The following PPFIBP1 variants were observed in gnomAD, a reference collection of about 807,000 sequenced individuals.
The protein encoded by PPFIBP1 is PPFIB scaffold protein 1.
PPFIBP1 carries 112 observed loss-of-function variants against 137.8 expected under a neutral mutation model. The observed-to-expected ratio is 0.81, with a 90% CI of 0.70 to 0.95. PPFIBP1 has a LOEUF of 0.95. Among genes scored for constraint, PPFIBP1 ranks in the 40% least tolerant of loss-of-function variants. The pLI is 0.00. For synonymous variants in PPFIBP1, 378 were observed against 417.3 expected (o/e 0.91, Z 1.15); for missense variants, 1,083 against 1,196.6 (o/e 0.91, Z 1.40).
chr12:27,534,611 T>C (rs749189066), intron 1 of PPFIBP1, among the ~76,000 whole-genome samples: 5 of 151,372 alleles, frequency 3.3e-5, no homozygotes, highest in African/African-American at 4.8e-5. Flanking sequence ...TGACTGTCTT[T>C]GAAGGAGGAA....
rs2061681767 is a variant in PPFIBP1, at chr12:27,694,205, G to A, written c.*1323G>A. The A allele has an allele frequency of 6.9e-6, 1 of 145,488 alleles. No homozygotes were observed. The highest frequency in any genetic ancestry group is 2.5e-5 in the African/African-American group (1 of 40,190). 9.0% of individuals were successfully genotyped at this position (145,488 alleles called of 1,614,324 possible). ...TCAAAAAGTTTTTTTGTAGAAACAG[G>A]GTCTCACCATGTTGTCCAGCCTGGT... On this transcript the variant is annotated 3_prime_UTR_variant, in exon 30 of 30. Transcript: ENST00000228425.
At chr12:27,607,802 G>C (rs925897880) in intron 2 of PPFIBP1, among the ~76,000 whole-genome samples, 1 of 152,116 alleles carries the variant, frequency 6.6e-6, no homozygotes, top group Non-Finnish European at 1.5e-5. Flanking sequence ...GTTCCTCCCC[G>C]CTTTTTTTTC....
chr12:27,583,623 A>C (rs905601630), intron 2 of PPFIBP1, among the ~76,000 whole-genome samples: 1 of 152,210 alleles, frequency 6.6e-6, no homozygotes, highest in Non-Finnish European at 1.5e-5. Flanking sequence ...CCAAGTATCA[A>C]GCAGGAAATA....
intron 1 of PPFIBP1, among the ~76,000 whole-genome samples, chr12:27,534,641 G>C (rs1944793956): frequency 6.6e-6 from 1 of 152,170 alleles, no homozygotes; most frequent in Admixed American, 6.5e-5. Flanking sequence ...AACCAGACTT[G>C]ATGGTTCACA....
chr12:27,577,071 G>A lies in PPFIBP1; in HGVS notation c.-123-1081G>A, dbSNP rs192431228. ...TATGAAGCCAGTGGTAGGAGAAAGA[G>A]GAATGGACAGATACTTACCTGATGT... On this transcript the variant is annotated intron_variant, in intron 1 of 29. Transcript: ENST00000228425. Among the ~76,000 whole-genome samples, 381 of 152,166 alleles carry A rather than the reference G, an allele frequency of 2.5e-3. 1 individual carries two copies. The highest frequency in any genetic ancestry group is 8.4e-3 in the African/African-American group (348 of 41,456).
At chr12:27,631,668 T>A (rs1005551543) in intron 2 of PPFIBP1, among the ~76,000 whole-genome samples, 1 of 152,202 alleles carries the variant, frequency 6.6e-6, no homozygotes, top group African/African-American at 2.4e-5. Context: ...CTAGATTGTC[T>A]CATACCTTCA....
At chr12:27,688,817 A>G (rs1216073648) in intron 26 of PPFIBP1, among the ~76,000 whole-genome samples, 198 bp from the exon 27 acceptor site, 1 of 152,208 alleles carries the variant, frequency 6.6e-6, no homozygotes, top group East Asian at 1.9e-4. Flanking sequence ...GACCAGCTCT[A>G]TCACTCACTA....
chr12:27,581,538 G>A (rs1414661038), intron 2 of PPFIBP1, among the ~76,000 whole-genome samples: 1 of 152,190 alleles, frequency 6.6e-6, no homozygotes, highest in Non-Finnish European at 1.5e-5. Flanking sequence ...CTGAGATAAT[G>A]TCATCCCCAA....
At chr12:27,635,531 T>A (rs1344067581) in intron 4 of PPFIBP1, 1 of 234,344 alleles carries the variant, frequency 4.3e-6, no homozygotes, top group East Asian at 9.3e-5. Context: ...GCAACAGGAT[T>A]TACAGCAGTA....
At chr12:27,681,974 G>A (rs1031896437) in intron 22 of PPFIBP1, among the ~76,000 whole-genome samples, 1 of 144,214 alleles carries the variant, frequency 6.9e-6, no homozygotes, top group Non-Finnish European at 1.5e-5. Flanking sequence ...ATCATTGTTT[G>A]GCTTTATCAT....
At chr12:27,581,259 T>G (rs10842940) in intron 2 of PPFIBP1, among the ~76,000 whole-genome samples, 1 of 151,986 alleles carries the variant, frequency 6.6e-6, no homozygotes, top group Non-Finnish European at 1.5e-5. Context: ...CCTAAGAGTG[T>G]AAGCAACACC....
At chr12:27,646,408 C>A in intron 5 of PPFIBP1, 3 of 350,138 alleles carry the variant, frequency 8.6e-6, no homozygotes, top group South Asian at 2.2e-5. Flanking sequence ...CTGATCTGTT[C>A]TTTTTTTTTT....
chr12:27,635,151 C>CT (rs1168344102), intron 4 of PPFIBP1, 36 bp downstream of exon 4: 1 of 1,605,094 alleles, frequency 6.2e-7, no homozygotes, highest in Admixed American at 1.7e-5. Flanking sequence ...GTTATAAATC[C>CT]TTTGTTGCTT....
chr12:27,670,781 A>AT (rs1451059171), intron 13 of PPFIBP1, among the ~76,000 whole-genome samples: 23 of 142,728 alleles, frequency 1.6e-4, no homozygotes, highest in South Asian at 8.6e-4. Flanking sequence ...CCTGTCTCAA[A>AT]AAAAAAAAAA....
chr12:27,536,593 A>C (rs1945039379), intron 1 of PPFIBP1, among the ~76,000 whole-genome samples: 1 of 152,060 alleles, frequency 6.6e-6, no homozygotes, highest in African/African-American at 2.4e-5. Flanking sequence ...ATCCGCCCCC[A>C]CGATCCAGTC....
At chr12:27,600,785 C>T (rs1338293693) in intron 2 of PPFIBP1, among the ~76,000 whole-genome samples, 10 of 152,038 alleles carry the variant, frequency 6.6e-5, no homozygotes, top group African/African-American at 1.4e-4. Context: ...GTACTTAATA[C>T]TACTGAACTG....
chr12:27,548,215 T>C (rs1349625852), intron 1 of PPFIBP1: 4 of 152,208 alleles, frequency 2.6e-5, no homozygotes, highest in African/African-American at 9.6e-5. Context: ...CATGAATTAC[T>C]GCACGTTCAG....
intron 2 of PPFIBP1, among the ~76,000 whole-genome samples, chr12:27,583,018 T>C (rs2051301859): frequency 6.6e-6 from 1 of 152,226 alleles, no homozygotes. Flanking sequence ...TTGACATAGT[T>C]AGGCTATTTG....
At chr12:27,662,111 G>A (rs1488433635) in intron 11 of PPFIBP1, among the ~76,000 whole-genome samples, 1 of 152,150 alleles carries the variant, frequency 6.6e-6, no homozygotes, top group Admixed American at 6.5e-5. Context: ...CGTGGGGTCG[G>A]GGATTCAGAA....
Sources: allele counts gnomAD v4.1 joint callset (sites outside exome capture counted in the v4.1 genomes callset), GRCh38; gene constraint gnomAD v4.1.1; transcripts MANE v1.5; gene names NCBI Gene and HGNC (gene_info 2026-07-23, HGNC 2026-07-21).